The following PAFAH1B1 variants were observed in gnomAD, a reference collection of about 807,000 sequenced individuals.
PAFAH1B1 encodes platelet-activating factor acetylhydrolase IB subunit beta.
Under a neutral mutation model 57.5 loss-of-function variants are expected in PAFAH1B1, and 2 were observed. The ratio of observed to expected loss-of-function variants is 0.03; its 90% confidence interval spans 0.01 to 0.11. The LOEUF (loss-of-function observed/expected upper bound fraction) is 0.11, where lower values mean the gene tolerates loss of function less well. Ranked by LOEUF, PAFAH1B1 falls within the 10% of genes least tolerant of loss-of-function variation. The pLI is 1.00. For synonymous variants in PAFAH1B1, 152 were observed against 169.6 expected, an observed-to-expected ratio of 0.90 and a Z score of 0.81; for missense variants, 257 against 512.0, an observed-to-expected ratio of 0.50 and a Z score of 4.81.
At chr17:2,654,087 G>T (rs972013343) in intron 2 of PAFAH1B1, among the ~76,000 whole-genome samples, 1 of 151,644 alleles carries the variant, frequency 6.6e-6, no homozygotes, top group African/African-American at 2.4e-5. Flanking sequence ...GATTACAGGC[G>T]TGAGCCACCA....
chr17:2,678,129 C>T (rs948642124), intron 9 of PAFAH1B1, among the ~76,000 whole-genome samples: 6 of 151,890 alleles, frequency 4.0e-5, no homozygotes, highest in African/African-American at 2.4e-5. Flanking sequence ...TGGCCAGGCG[C>T]GGTGGCTCAC....
At chr17:2,651,312 C>T (rs1381701849) in intron 2 of PAFAH1B1, among the ~76,000 whole-genome samples, 2 of 150,306 alleles carry the variant, frequency 1.3e-5, no homozygotes, top group East Asian at 1.9e-4. Flanking sequence ...TGCGGTGGCT[C>T]ACGTATGTAA....
intron 1 of PAFAH1B1, among the ~76,000 whole-genome samples, chr17:2,601,022 A>G (rs889309719): frequency 6.6e-6 from 1 of 152,112 alleles, no homozygotes; most frequent in Non-Finnish European, 1.5e-5. Flanking sequence ...ATGAGCTATC[A>G]TGCCTGGCCT....
rs186134587 is a variant in PAFAH1B1, at chr17:2,631,663, C to G, written c.-190-6436C>G. Among the ~76,000 whole-genome samples the G allele has an allele frequency of 5.2e-3, 785 of 152,334 alleles. 4 individuals carry two copies. Among genetic ancestry groups the G allele is most frequent in the Middle Eastern group, 0.017 (5 of 294 alleles). ...AGGAGAGGAGGGTCTTCCTTTCTCACTTCTGCAGTTGGGACACTCACAGTA... is the reference window on the plus strand; with the variant it reads ...AGGAGAGGAGGGTCTTCCTTTCTCAGTTCTGCAGTTGGGACACTCACAGTA... On this transcript the variant is annotated intron_variant, in intron 1 of 10. Transcript: ENST00000397195.
chr17:2,631,838 A>G (rs183192265), intron 1 of PAFAH1B1, among the ~76,000 whole-genome samples: 3 of 152,302 alleles, frequency 2.0e-5, no homozygotes, highest in Admixed American at 6.5e-5. Context: ...CGAAGCTGCA[A>G]TCTAGTCCTG....
rs2068421993 is a variant in PAFAH1B1, at chr17:2,621,605, G to GTTTTTTT, written c.-190-16493_-190-16492insTTTTTTT. ...GCTATTCAAGCATGGTAGATAATCT[G>GTTTTTTT]TCTTTTTTTTTTTTTTTTTTTTTTT... On this transcript the variant is annotated intron_variant, in intron 1 of 10. Coordinates refer to ENST00000397195, the MANE Select transcript of PAFAH1B1 (RefSeq NM_000430.4). 7.5e-5 allele frequency among the ~76,000 whole-genome samples: 7 copies of GTTTTTTT among 93,208 alleles called. 2 individuals carry two copies. The highest frequency in any genetic ancestry group is 1.9e-4 in the African/African-American group (4 of 21,296). 61.1% of individuals were successfully genotyped at this position (93,208 alleles called of 152,430 possible).
intron 1 of PAFAH1B1, among the ~76,000 whole-genome samples, chr17:2,606,074 G>C (rs1231358423): frequency 6.6e-6 from 1 of 152,164 alleles, no homozygotes; most frequent in African/African-American, 2.4e-5. Flanking sequence ...TGACGATTTT[G>C]TTAAGCTTCA....
intron 1 of PAFAH1B1, among the ~76,000 whole-genome samples, chr17:2,614,971 C>T (rs2068319107): frequency 6.6e-6 from 1 of 152,168 alleles, no homozygotes; most frequent in Non-Finnish European, 1.5e-5. Context: ...CACATTCCTT[C>T]CCACTATTTG....
intron 1 of PAFAH1B1, among the ~76,000 whole-genome samples, chr17:2,609,986 T>C (rs1466423279): frequency 6.6e-6 from 1 of 152,128 alleles, no homozygotes; most frequent in Non-Finnish European, 1.5e-5. Flanking sequence ...TACCATGCCC[T>C]GCTAATTTTT....
At chr17:2,661,800 A>G (rs1425269963) in intron 2 of PAFAH1B1, among the ~76,000 whole-genome samples, 2 of 152,176 alleles carry the variant, frequency 1.3e-5, no homozygotes, top group Non-Finnish European at 2.9e-5. Context: ...TACAGTTTGT[A>G]AAATACTATT....
intron 2 of PAFAH1B1, among the ~76,000 whole-genome samples, chr17:2,653,185 C>T (rs944183307): frequency 3.3e-4 from 50 of 152,200 alleles, no homozygotes; most frequent in African/African-American, 1.1e-3. Context: ...AAACCAAACA[C>T]CACATGTTCT....
chr17:2,663,649 C>T (rs536370439), intron 2 of PAFAH1B1, among the ~76,000 whole-genome samples: 1 of 151,310 alleles, frequency 6.6e-6, no homozygotes, highest in East Asian at 1.9e-4. Context: ...AGATTGTTGG[C>T]TTAAATATTG....
At chr17:2,654,901 C>G (rs185490968) in intron 2 of PAFAH1B1, among the ~76,000 whole-genome samples, 2 of 151,558 alleles carry the variant, frequency 1.3e-5, no homozygotes, top group Admixed American at 1.3e-4. Context: ...CTCAGCCTCT[C>G]GAAGTGCTGG....
At chr17:2,652,233 AC>A (rs1425871205) in intron 2 of PAFAH1B1, among the ~76,000 whole-genome samples, 1 of 151,634 alleles carries the variant, frequency 6.6e-6, no homozygotes. Flanking sequence ...ACACGGTGAA[AC>A]CCCGTCTCTA....
intron 8 of PAFAH1B1, 70 bp from the exon 9 acceptor site, chr17:2,676,435 A>G: frequency 1.1e-6 from 1 of 937,466 alleles, no homozygotes; most frequent in East Asian, 2.4e-5. Flanking sequence ...TCATTATTAG[A>G]TAGAAGCCAT....
intron 1 of PAFAH1B1, among the ~76,000 whole-genome samples, chr17:2,618,182 G>A (rs990081961): frequency 6.6e-6 from 1 of 151,830 alleles, no homozygotes; most frequent in African/African-American, 2.4e-5. Context: ...TGGGAGATGC[G>A]AGGTTGCAGT....
At chr17:2,674,641 A>G (rs1035971444) in intron 8 of PAFAH1B1, among the ~76,000 whole-genome samples, 4 of 152,238 alleles carry the variant, frequency 2.6e-5, no homozygotes, top group Admixed American at 6.5e-5. Flanking sequence ...GAAGATAATG[A>G]TTTTATTTAT....
intron 2 of PAFAH1B1, among the ~76,000 whole-genome samples, chr17:2,664,665 G>GCGCGCCCTCT: frequency 1.2e-5 from 1 of 86,028 alleles, no homozygotes; most frequent in African/African-American, 3.9e-5. Flanking sequence ...TCTATCTATC[G>GCGCGCCCTCT]CTCTCTCTCT....
At chr17:2,626,385 G>C (rs762523868) in intron 1 of PAFAH1B1, among the ~76,000 whole-genome samples, 1 of 152,214 alleles carries the variant, frequency 6.6e-6, no homozygotes, top group African/African-American at 2.4e-5. Context: ...TGTGCTTTCT[G>C]ATAGCAAAAA....
Sources: gnomAD v4.1 joint callset for allele counts (sites outside exome capture counted in the v4.1 genomes callset) on GRCh38, gnomAD v4.1.1 for gene constraint, MANE v1.5 for transcripts, NCBI Gene and HGNC (gene_info 2026-07-23, HGNC 2026-07-21) for gene names.